Variants in CNTNAP2 observed in about 807,000 individuals in gnomAD.
The protein encoded by CNTNAP2 is contactin-associated protein-like 2.
CNTNAP2 carries 98 observed loss-of-function variants against 155.2 expected under a neutral mutation model. That is an observed-to-expected ratio of 0.63 (90% CI 0.54 to 0.75). CNTNAP2 has a LOEUF of 0.75. CNTNAP2 is among the 30% of genes least tolerant of loss of function. The pLI, the probability that CNTNAP2 is intolerant of heterozygous loss-of-function variation, is 0.00. For missense variants in CNTNAP2, 1,727 were observed against 1,688.1 expected, an observed-to-expected ratio of 1.02 and a Z score of -0.40; for synonymous variants, 651 against 631.2, an observed-to-expected ratio of 1.03 and a Z score of -0.47.
In CNTNAP2 at chr7:147,347,459, T is replaced by TATATATATATATGC. The variant is rs1166597954; in HGVS notation, c.1498+47181_1498+47182insGCATATATATATAT. Reference sequence around the variant, plus strand: ...ATATATGCATATATATATATATGCATATATATATATATATATGCATATATA... The same window carrying TATATATATATATGC: ...ATATATGCATATATATATATATGCATATATATATATATGCATATATATATATATATGCATATATA... On this transcript the variant is annotated intron_variant, in intron 9 of 23. Transcript: ENST00000361727. Among the ~76,000 whole-genome samples the TATATATATATATGC allele has an allele frequency of 4.2e-4, 19 of 44,744 alleles. 1 individual carries two copies. In the South Asian group the frequency reaches 7.7e-3, roughly 18 times the overall value. The allele number at this position is 44,744 out of a possible 152,430, so 29.4% of individuals were successfully genotyped here.
chr7:147,746,073 C>T (rs1223388262), intron 13 of CNTNAP2, among the ~76,000 whole-genome samples: 1 of 152,214 alleles, frequency 6.6e-6, no homozygotes, highest in Non-Finnish European at 1.5e-5. Context: ...TATGCAGGTT[C>T]TGTGTGTAAA....
chr7:147,977,167 C>A (rs1801438525), intron 14 of CNTNAP2, among the ~76,000 whole-genome samples: 1 of 152,190 alleles, frequency 6.6e-6, no homozygotes, highest in Admixed American at 6.5e-5. Flanking sequence ...TACTTTGCAA[C>A]TAGCCTTGTC....
intron 21 of CNTNAP2, among the ~76,000 whole-genome samples, chr7:148,292,686 G>A (rs1189112265): frequency 1.3e-5 from 2 of 152,078 alleles, no homozygotes; most frequent in Non-Finnish European, 2.9e-5. Flanking sequence ...GGGGAGATTC[G>A]GTCTCACCTA....
At chr7:147,480,210 G>A (rs1252768833) in intron 10 of CNTNAP2, among the ~76,000 whole-genome samples, 1 of 152,066 alleles carries the variant, frequency 6.6e-6, no homozygotes, top group East Asian at 1.9e-4. Flanking sequence ...TGAGATGAAG[G>A]GAACAACTCA....
intron 12 of CNTNAP2, among the ~76,000 whole-genome samples, chr7:147,577,144 T>G (rs1800410310): frequency 6.6e-6 from 1 of 152,108 alleles, no homozygotes; most frequent in Non-Finnish European, 1.5e-5. Flanking sequence ...AGTTGTAACA[T>G]GCTATAAAGG....
At chr7:146,839,137 C>G (rs10487918) in intron 2 of CNTNAP2, among the ~76,000 whole-genome samples, 34,545 of 151,872 alleles carry the variant, frequency 0.23, 4,512 homozygotes, top group Middle Eastern at 0.37. Context: ...GACTGTATAT[C>G]TTCTAAGTGT....
At chr7:146,977,057 T>C (rs1797925793) in intron 3 of CNTNAP2, among the ~76,000 whole-genome samples, 2 of 152,058 alleles carry the variant, frequency 1.3e-5, no homozygotes, top group Admixed American at 1.3e-4. Context: ...TGAGGTTTGC[T>C]CCTGAGGTCT....
Position 146,801,212 on chromosome 7 carries a change from C to A in CNTNAP2, c.208+26831C>A, listed in dbSNP as rs77267090. On this transcript the variant is annotated intron_variant, in intron 2 of 23. Coordinates refer to ENST00000361727, the MANE Select transcript of CNTNAP2 (RefSeq NM_014141.6). The stretch of plus-strand genomic sequence containing the variant: ...GGAGGAAGTTTCAGGCTCTTTTAAA[C>A]AACTAGCTCTGACATGAACTAATAG... 2.0e-5 allele frequency among the ~76,000 whole-genome samples: 3 copies of A among 152,218 alleles called. No homozygotes were observed. The East Asian group carries it at 5.8e-4, about 29-fold the overall frequency.
At chr7:146,510,647 G>C (rs111266928) in intron 1 of CNTNAP2, among the ~76,000 whole-genome samples, 8,067 of 151,852 alleles carry the variant, frequency 0.053, 711 homozygotes, top group African/African-American at 0.18. Context: ...TAGGGGGTTT[G>C]TTCTTCAATT....
intron 13 of CNTNAP2, among the ~76,000 whole-genome samples, chr7:147,698,756 G>T (rs926780106): frequency 2.6e-5 from 4 of 152,238 alleles, no homozygotes; most frequent in African/African-American, 9.6e-5. Flanking sequence ...CAGATATGGG[G>T]TTTTGCCATG....
At chr7:146,284,213 T>A (rs1437814396) in intron 1 of CNTNAP2, among the ~76,000 whole-genome samples, 1 of 152,174 alleles carries the variant, frequency 6.6e-6, no homozygotes, top group Admixed American at 6.5e-5. Flanking sequence ...TTTGGGAGAA[T>A]GTAAACTCAA....
intron 11 of CNTNAP2, among the ~76,000 whole-genome samples, chr7:147,502,295 A>C (rs965785337): frequency 1.3e-5 from 2 of 152,232 alleles, no homozygotes; most frequent in African/African-American, 2.4e-5. Flanking sequence ...TGGAGGAATC[A>C]CATACTAAGT....
intron 1 of CNTNAP2, among the ~76,000 whole-genome samples, chr7:146,141,398 T>C (rs567112088): frequency 2.8e-4 from 42 of 152,050 alleles, no homozygotes; most frequent in Non-Finnish European, 5.0e-4. Context: ...ACTGTATTTT[T>C]TATGGATTTA....
At chr7:147,985,705 C>G (rs1167869234) in intron 15 of CNTNAP2, among the ~76,000 whole-genome samples, 1 of 152,156 alleles carries the variant, frequency 6.6e-6, no homozygotes, top group African/African-American at 2.4e-5. Context: ...AAAACAAAAT[C>G]TAATTCACTT....
chr7:147,477,669 A>G (rs2116621551), intron 10 of CNTNAP2, among the ~76,000 whole-genome samples: 1 of 152,348 alleles, frequency 6.6e-6, no homozygotes, highest in South Asian at 2.1e-4. Flanking sequence ...AGGGGTGAAG[A>G]GAATATATCT....
intron 14 of CNTNAP2, among the ~76,000 whole-genome samples, chr7:147,929,203 A>C (rs570923376): frequency 1.1e-4 from 17 of 151,966 alleles, no homozygotes; most frequent in South Asian, 4.1e-4. Flanking sequence ...AAGATAGAGC[A>C]GTCAAATTGT....
chr7:147,968,108 CCACTTTAAATAAA>C, intron 14 of CNTNAP2, among the ~76,000 whole-genome samples: 1 of 152,218 alleles, frequency 6.6e-6, no homozygotes, highest in South Asian at 2.1e-4. Flanking sequence ...TTATTTGAAT[CCACTTTAAATAAA>C]CACTTTTGTG....
intron 1 of CNTNAP2, among the ~76,000 whole-genome samples, chr7:146,147,729 A>G (rs1797977033): frequency 6.6e-6 from 1 of 152,144 alleles, no homozygotes; most frequent in African/African-American, 2.4e-5. Context: ...TGACTTCTTT[A>G]TACTGTCTGT....
chr7:146,547,535 G>A (rs958824398), intron 1 of CNTNAP2, among the ~76,000 whole-genome samples: 2 of 151,872 alleles, frequency 1.3e-5, no homozygotes, highest in Admixed American at 6.6e-5. Context: ...TATGGTCTTT[G>A]ATTTGGCTAT....
Sources: allele counts gnomAD v4.1 joint callset (sites outside exome capture counted in the v4.1 genomes callset), GRCh38; gene constraint gnomAD v4.1.1; transcripts MANE v1.5; gene names NCBI Gene and HGNC (gene_info 2026-07-23, HGNC 2026-07-21).